The following ABCB6 variants were observed in gnomAD, a reference collection of about 807,000 sequenced individuals.
ABCB6 encodes the protein ATP-binding cassette sub-family B member 6.
ABCB6 carries 87 observed loss-of-function variants against 99.4 expected under a neutral mutation model. The ratio of observed to expected loss-of-function variants is 0.88; its 90% CI spans 0.74 to 1.05. The LOEUF is 1.05. Among genes scored for constraint, ABCB6 ranks in the 50% least tolerant of loss-of-function variants. ABCB6 has a pLI of 0.00. For missense variants in ABCB6, 1,050 were observed against 1,097.9 expected (o/e 0.96, Z 0.62); for synonymous variants, 482 against 447.5 (o/e 1.08, Z -0.97).
intron 16 of ABCB6, 22 bp downstream of exon 16, chr2:219,210,688 AG>A (rs1476134919): frequency 6.2e-7 from 1 of 1,613,148 alleles, no homozygotes; most frequent in Non-Finnish European, 8.5e-7. Flanking sequence ...GGCAGGAAGG[AG>A]GGGAGGAGAC....
rs769204596 is a variant in ABCB6, at chr2:219,210,445, T to C, written c.2287A>G (p.Arg763Gly). ...TTGGCCAGAGAAGCCTGGATGGCCCTCTCATTAGATGTATCCAGCGCTGAC... is the reference window on the plus strand; with the variant it reads ...TTGGCCAGAGAAGCCTGGATGGCCCCCTCATTAGATGTATCCAGCGCTGAC... ...ATSALDTSNE[R>G]AIQASLAKVC... The change falls in exon 17 of 19, where the codon AGG becomes GGG. Residue 763 changes from arginine to glycine, a missense_variant. Physicochemically the swap from Arg to Gly is moderately radical, Grantham distance 125. Transcript: ENST00000265316. 1 of 1,614,186 alleles carries C rather than the reference T, an allele frequency of 6.2e-7. No individual in the cohort carries two copies. The highest frequency in any genetic ancestry group is 2.2e-5 in the East Asian group (1 of 44,880).
rs374142138 is a variant in ABCB6, at chr2:219,216,673, G to A, written c.847C>T (p.Pro283Ser). Residue 283 changes from proline (P) to serine (S), a missense_variant, in exon 3 of 19, where the codon CCT (proline) becomes TCT (serine). Coordinates refer to ENST00000265316, the MANE Select transcript of ABCB6 (RefSeq NM_005689.4). The surrounding 1 kb of genome is among the most constrained non-coding windows in gnomAD (Gnocchi z 4.2). ...TCACCAATGTTCCTATAGAATATAG[G>A]CACCAACACATTGAGTGCCCGTTCC... ...GLERALNVLVPIFYRNIVNLL... is the reference protein window; with the variant it reads ...GLERALNVLVSIFYRNIVNLL... 1.9e-6 allele frequency: 3 copies of A among 1,565,884 alleles called. No homozygotes were observed. The highest frequency in any genetic ancestry group is 2.7e-5 in the African/African-American group (2 of 73,470).
chr2:219,215,221 G>C, intron 5 of ABCB6, 139 bp from the exon 6 acceptor site: 1 of 1,094,644 alleles, frequency 9.1e-7, no homozygotes, highest in Non-Finnish European at 1.3e-6. Context: ...CTCAAGAGGT[G>C]GGTGGCTAAA....
At chr2:219,210,333 C>T (rs374524397) in intron 17 of ABCB6, 35 bp from the exon 18 acceptor site, 1 of 1,614,230 alleles carries the variant, frequency 6.2e-7, no homozygotes, top group African/African-American at 1.3e-5. Context: ...TACTACCCCA[C>T]CCAAAGCGGG....
At chr2:219,213,418 T>G in intron 11 of ABCB6, 21 bp downstream of exon 11, 1 of 1,614,172 alleles carries the variant, frequency 6.2e-7, no homozygotes, top group Non-Finnish European at 8.5e-7. Context: ...CCCCAAACCC[T>G]ACTCCTCTCC....
rs1331652867 is a variant in ABCB6, at chr2:219,210,040, C to T, written c.2427G>A (p.Glu809=). Reference sequence around the variant, plus strand: ...ACACCCCACCTCGGGACAACAGAGCCTCGTGTCTGGGGTGAGGAGAAAAGT... The same window carrying T: ...ACACCCCACCTCGGGACAACAGAGCTTCGTGTCTGGGGTGAGGAGAAAAGT... ...DGCIVERGRH[E]ALLSRGGVYA... is the part of the protein sequence containing the mutation. Residue 809 remains glutamate (E), a synonymous_variant, in exon 19 of 19, where the codon GAG becomes GAA. Transcript: ENST00000265316. 6.8e-6 allele frequency: 11 copies of T among 1,613,964 alleles called. No homozygotes were observed. The highest frequency in any genetic ancestry group is 4.5e-5 in the East Asian group (2 of 44,900).
chr2:219,217,917 GC>G lies in ABCB6; in HGVS notation c.550-111del. The stretch of plus-strand genomic sequence containing the variant: ...TCATGAACACATTCAGCACTTACAG[GC>G]TTAAAAAAAAAAAAAAAAGCAAAAC... On this transcript the variant is annotated intron_variant, in intron 1 of 18. Coordinates refer to ENST00000265316, the MANE Select transcript of ABCB6 (RefSeq NM_005689.4). 1.4e-5 allele frequency: 19 copies of G among 1,350,102 alleles called. No individual in the cohort carries two copies. The African/African-American group carries it at 2.3e-4, about 16-fold the overall frequency. 83.6% of individuals were successfully genotyped at this position (1,350,102 alleles called of 1,614,324 possible).
Position 219,210,770 on chromosome 2 carries a change from G to C in ABCB6, c.2197C>G (p.Gln733Glu). ...RGLKLSGGEK[Q>E]RVAIARTILK... Reference sequence around the variant, plus strand: ...ATGGTGCGGGCAATGGCGACGCGCTGCTTCTCCCCGCCGCTCAGCTTCAGT... The same window carrying C: ...ATGGTGCGGGCAATGGCGACGCGCTCCTTCTCCCCGCCGCTCAGCTTCAGT... Residue 733 changes from glutamine (Q) to glutamate (E), a missense_variant, in exon 16 of 19, where the codon CAG becomes GAG. Gln to Glu is a conservative substitution (Grantham distance 29, BLOSUM62 2). Coordinates refer to ENST00000265316, the MANE Select transcript of ABCB6 (RefSeq NM_005689.4). 1 of 1,613,712 alleles carries C rather than the reference G, an allele frequency of 6.2e-7. No individual in the cohort carries two copies. The highest frequency in any genetic ancestry group is 8.5e-7 in the Non-Finnish European group (1 of 1,179,992).
Position 219,216,262 on chromosome 2 carries a change from A to G in ABCB6, c.971-82T>C. 1 of 1,577,614 alleles carries G rather than the reference A, an allele frequency of 6.3e-7. No individual in the cohort carries two copies. ...AGCACCAGGATGTGAAAGGTCTGAGAGTACATGGGGGCTGGGGAGGAATGC... is the reference window on the plus strand; with the variant it reads ...AGCACCAGGATGTGAAAGGTCTGAGGGTACATGGGGGCTGGGGAGGAATGC... On this transcript the variant is annotated intron_variant, in intron 4 of 18. Transcript: ENST00000265316. The surrounding 1 kb of genome is among the most constrained non-coding windows in gnomAD (Gnocchi z 4.2).
rs771718622 is a variant in ABCB6 at position 219,211,082 on chromosome 2, G to A, written c.1995C>T (p.His665=). The change falls in exon 15 of 19, where the codon CAC becomes CAT. Residue 665 remains histidine, a synonymous_variant. Coordinates refer to ENST00000265316, the MANE Select transcript of ABCB6 (RefSeq NM_005689.4). ...SQVTQASLRS[H]IGVVPQDTVL... ...CAGTGTCTTGGGGCACAACTCCAATGTGAGACCGGAGAGAGGCCTGGGTCA... is the reference window on the plus strand; with the variant it reads ...CAGTGTCTTGGGGCACAACTCCAATATGAGACCGGAGAGAGGCCTGGGTCA... The A allele has an allele frequency of 6.2e-7, 1 of 1,614,200 alleles. No individual in the cohort carries two copies. The highest frequency in any genetic ancestry group is 1.7e-5 in the Admixed American group (1 of 60,022).
At chr2:219,215,625 C>G (rs1049797054) in intron 5 of ABCB6, 4 of 175,266 alleles carry the variant, frequency 2.3e-5, no homozygotes, top group African/African-American at 9.5e-5. Flanking sequence ...TCTGTAATCC[C>G]AGCTACTCAG....
chr2:219,214,352 C>A, intron 7 of ABCB6, 37 bp downstream of exon 7: 1 of 1,565,698 alleles, frequency 6.4e-7, no homozygotes, highest in South Asian at 1.1e-5. Flanking sequence ...CTCCACATCT[C>A]CACGCCTCAC....
rs1950663110 is a variant in ABCB6 at position 219,217,819 on chromosome 2, T to C, written c.550-12A>G. 6.2e-7 allele frequency: 1 copy of C among 1,609,494 alleles called. No homozygotes were observed. Among genetic ancestry groups the C allele is most frequent in the East Asian group, 2.2e-5 (1 of 44,836 alleles). On this transcript the variant is annotated splice_polypyrimidine_tract_variant and intron_variant, in intron 1 of 18. Coordinates refer to ENST00000265316, the MANE Select transcript of ABCB6 (RefSeq NM_005689.4). ...AGGCTAAACTGAACCTAGAATGAAA[T>C]ATAAGTGGAGAGAGTATCATTGAGG...
chr2:219,216,828 CGAACCTAG>C lies in ABCB6; in HGVS notation c.688-4_691del. 6.2e-7 allele frequency: 1 copy of C among 1,611,364 alleles called. No homozygotes were observed. Among genetic ancestry groups the C allele is most frequent in the Non-Finnish European group, 8.5e-7 (1 of 1,179,166 alleles). ...CCAGGTAGACTGTTGGGCTGCTGAC[CGAACCTAG>C]GATGGTGAAACACGTAGGAAGGGAG... On this transcript the variant is annotated splice_acceptor_variant and splice_polypyrimidine_tract_variant and coding_sequence_variant and intron_variant, in exon 3 of 19. Coordinates refer to ENST00000265316, the MANE Select transcript of ABCB6 (RefSeq NM_005689.4). LOFTEE classifies it high-confidence loss of function. This position sits in a 1 kb window ranked among gnomAD's most constrained non-coding sequence, Gnocchi z 4.2.
rs764611865 is a variant in ABCB6, at chr2:219,214,426, C to T, written c.1349G>A (p.Arg450Gln). The part of the protein sequence containing the change: ...RAMNTQENAT[R>Q]ARAVDSLLNF... ...TAGCAGAGAGTCCACTGCTCGTGCC[C>T]GGGTAGCGTTCTCCTGTGTGTTCAT... The change falls in exon 7 of 19, where the codon CGG becomes CAG. Residue 450 changes from arginine to glutamine, a missense_variant. Physicochemically the swap from Arg to Gln is conservative, Grantham distance 43 (BLOSUM62 1). Transcript: ENST00000265316. 9.5e-5 allele frequency: 153 copies of T among 1,614,040 alleles called. No individual in the cohort carries two copies. The highest frequency in any genetic ancestry group is 1.6e-4 in the Middle Eastern group (1 of 6,084).
chr2:219,210,910 ACT>A (rs1208945571), intron 15 of ABCB6, 22 bp downstream of exon 15: 1 of 1,613,558 alleles, frequency 6.2e-7, no homozygotes, highest in East Asian at 2.2e-5. Flanking sequence ...AGGGGAGGGG[ACT>A]CTCTGCAAAG....
At chr2:219,217,875 A>G (rs1038083793) in intron 1 of ABCB6, 68 bp from the exon 2 acceptor site, 297 of 1,529,792 alleles carry the variant, frequency 1.9e-4, no homozygotes, top group Non-Finnish European at 2.5e-4. Context: ...TACTTATAAT[A>G]GGGCCGGGGA....
Position 219,213,892 on chromosome 2 carries a change from C to T in ABCB6, c.1512G>A (p.Val504=), listed in dbSNP as rs17849341. ...AGCCGGCGAGGAGCCCGAGCCCAATCACCAGGTTCTGGGTCTGATTTAGTA... is the reference window on the plus strand; with the variant it reads ...AGCCGGCGAGGAGCCCGAGCCCAATTACCAGGTTCTGGGTCTGATTTAGTA... ...LVLLNQTQNL[V]IGLGLLAGSL... is the part of the protein sequence containing the mutation. Residue 504 remains valine (V), a synonymous_variant, in exon 9 of 19, where the codon GTG becomes GTA. Coordinates refer to ENST00000265316, the MANE Select transcript of ABCB6 (RefSeq NM_005689.4). 13 of 1,614,182 alleles carry T rather than the reference C, an allele frequency of 8.1e-6. No individual in the cohort carries two copies. Among genetic ancestry groups the T allele is most frequent in the South Asian group, 1.1e-5 (1 of 91,086 alleles).
Position 219,218,365 on chromosome 2 carries a change from C to A in ABCB6, c.309G>T (p.Leu103=), listed in dbSNP as rs1165260097. 6.2e-7 allele frequency: 1 copy of A among 1,612,786 alleles called. No individual in the cohort carries two copies. The highest frequency in any genetic ancestry group is 1.1e-5 in the South Asian group (1 of 91,088). Residue 103 remains leucine (L), a synonymous_variant, in exon 1 of 19, where the codon CTG becomes CTT. Coordinates refer to ENST00000265316, the MANE Select transcript of ABCB6 (RefSeq NM_005689.4). ...GRVGTARGAP[L]PSYLLLASVL... ...CGGAGGCCAGAAGTAGATAGCTTGG[C>A]AGTGGGGCCCCCCGGGCAGTGCCCA...
Sources: allele counts gnomAD v4.1 joint callset, GRCh38; gene constraint gnomAD v4.1.1; non-coding constraint Gnocchi (gnomAD v3.1); transcripts MANE v1.5; gene names NCBI Gene and HGNC (gene_info 2026-07-23, HGNC 2026-07-21).